MCPH1: variants seen among roughly 807,000 people sequenced by gnomAD.
MCPH1 encodes the protein microcephalin.
A neutral mutation model predicts 84.5 loss-of-function variants in MCPH1; 104 were observed. That is an observed-to-expected ratio of 1.23 (90% CI 1.05 to 1.45). MCPH1 has a LOEUF of 1.45. Among genes scored for constraint, MCPH1 ranks in the 40% most tolerant of loss-of-function variants. MCPH1 has a pLI of 0.00. For synonymous variants in MCPH1, 514 were observed against 366.8 expected (o/e 1.40, Z -4.58); for missense variants, 1,498 against 1,005.7 (o/e 1.49, Z -6.62).
At chr8:6,452,203 C>G (rs1805173715) in intron 8 of MCPH1, among the ~76,000 whole-genome samples, 1 of 152,154 alleles carries the variant, frequency 6.6e-6, no homozygotes, top group Non-Finnish European at 1.5e-5. Flanking sequence ...TCTCTTTTCC[C>G]TCAGTATCAA....
intron 12 of MCPH1, among the ~76,000 whole-genome samples, chr8:6,571,583 T>C (rs1216593594): frequency 6.6e-6 from 1 of 152,174 alleles, no homozygotes; most frequent in Non-Finnish European, 1.5e-5. Flanking sequence ...ATTTATAAAA[T>C]TTTTATCTTA....
chr8:6,600,755 T>C (rs1275278895), intron 12 of MCPH1, among the ~76,000 whole-genome samples: 1 of 152,240 alleles, frequency 6.6e-6, no homozygotes, highest in Non-Finnish European at 1.5e-5. Flanking sequence ...AATGTTTCAA[T>C]AGCTGAGCAA....
chr8:6,416,755 A>C (rs1206059628), intron 3 of MCPH1, among the ~76,000 whole-genome samples: 1 of 152,116 alleles, frequency 6.6e-6, no homozygotes, highest in African/African-American at 2.4e-5. Flanking sequence ...GCACTTTGGG[A>C]GGCCGAGGGG....
chr8:6,552,789 C>A (rs1044065130), intron 12 of MCPH1, among the ~76,000 whole-genome samples: 1 of 150,920 alleles, frequency 6.6e-6, no homozygotes, highest in African/African-American at 2.5e-5. Context: ...AGAGATCACT[C>A]AACAATTGTT....
At chr8:6,456,000 T>C (rs1436600716) in intron 9 of MCPH1, among the ~76,000 whole-genome samples, 1 of 152,154 alleles carries the variant, frequency 6.6e-6, no homozygotes, top group African/African-American at 2.4e-5. Flanking sequence ...CTTGAACAGA[T>C]GGGCGGCTGC....
At chr8:6,417,029 G>T (rs1410672365) in intron 3 of MCPH1, among the ~76,000 whole-genome samples, 1 of 151,626 alleles carries the variant, frequency 6.6e-6, no homozygotes, top group Non-Finnish European at 1.5e-5. Flanking sequence ...CTTTTGTCAA[G>T]ATTTTCTCAT....
intron 12 of MCPH1, among the ~76,000 whole-genome samples, chr8:6,598,101 A>G (rs972159193): frequency 2.6e-5 from 4 of 152,194 alleles, no homozygotes. Flanking sequence ...CAGGGTGAGG[A>G]TGCTCCTGGA....
intron 13 of MCPH1, among the ~76,000 whole-genome samples, chr8:6,623,256 G>T (rs139438984): frequency 6.6e-6 from 1 of 151,972 alleles, no homozygotes; most frequent in Non-Finnish European, 1.5e-5. Flanking sequence ...ATTTTGGGCA[G>T]ACACAATTCA....
At chr8:6,448,771 T>G (rs943698127) in intron 8 of MCPH1, among the ~76,000 whole-genome samples, 3 of 152,212 alleles carry the variant, frequency 2.0e-5, no homozygotes, top group African/African-American at 7.2e-5. Flanking sequence ...AAATCTTCAT[T>G]TTCTAATAGA....
chr8:6,544,504 A>G (rs1586528921), intron 12 of MCPH1, among the ~76,000 whole-genome samples: 3 of 152,204 alleles, frequency 2.0e-5, no homozygotes, highest in African/African-American at 7.2e-5. Flanking sequence ...GTTTTTTACA[A>G]AATACCAGCT....
At chr8:6,588,201 C>T (rs766080433) in intron 12 of MCPH1, among the ~76,000 whole-genome samples, 1 of 152,140 alleles carries the variant, frequency 6.6e-6, no homozygotes, top group South Asian at 2.1e-4. Context: ...GTCCCCTCCA[C>T]CTTCTCCTAG....
intron 8 of MCPH1, among the ~76,000 whole-genome samples, chr8:6,450,016 C>A (rs994872759): frequency 6.6e-6 from 1 of 151,142 alleles, no homozygotes; most frequent in Non-Finnish European, 1.5e-5. Context: ...TATCTATACC[C>A]CACTTGTCCA....
intron 12 of MCPH1, among the ~76,000 whole-genome samples, chr8:6,619,653 C>T (rs1831205295): frequency 6.6e-6 from 1 of 152,012 alleles, no homozygotes; most frequent in Admixed American, 6.5e-5. Context: ...GGCACAATCT[C>T]AGCTCACTGC....
chr8:6,432,498 C>G (rs1011645723), intron 4 of MCPH1, among the ~76,000 whole-genome samples: 1 of 152,284 alleles, frequency 6.6e-6, no homozygotes, highest in Admixed American at 6.5e-5. Flanking sequence ...CACATTTTAA[C>G]CACAACCTTT....
intron 12 of MCPH1, among the ~76,000 whole-genome samples, chr8:6,612,947 G>A (rs185584509): frequency 2.6e-5 from 4 of 152,376 alleles, no homozygotes; most frequent in African/African-American, 7.2e-5. Flanking sequence ...AGAAATAACA[G>A]CATTTGTGTT....
At chr8:6,640,097 T>C (rs2912000) in intron 13 of MCPH1, among the ~76,000 whole-genome samples, 8,402 of 131,298 alleles carry the variant, frequency 0.064, 254 homozygotes, top group Middle Eastern at 0.11. Flanking sequence ...TGTGTGTGTG[T>C]GCGCGCGCGT....
chr8:6,631,668 A>G lies in MCPH1; in HGVS notation c.2452+9977A>G, dbSNP rs910210584. 3.3e-5 allele frequency among the ~76,000 whole-genome samples: 5 copies of G among 151,666 alleles called. No homozygotes were observed. In the South Asian group the frequency reaches 1.0e-3, roughly 32 times the overall value. ...GATTGCTACTATAAAAAAAAAAAAA[A>G]CCCAGAAAATAACAAGTGTTAGTAA... On this transcript the variant is annotated intron_variant, in intron 13 of 13. Coordinates refer to ENST00000344683, the MANE Select transcript of MCPH1 (RefSeq NM_024596.5).
chr8:6,629,770 C>T (rs1413905256), intron 13 of MCPH1, among the ~76,000 whole-genome samples: 1 of 152,244 alleles, frequency 6.6e-6, no homozygotes, highest in Non-Finnish European at 1.5e-5. Context: ...TTTTAGACAG[C>T]AGGAAACTGA....
At chr8:6,585,481 A>G (rs2515530) in intron 12 of MCPH1, among the ~76,000 whole-genome samples, 149,799 of 152,370 alleles carry the variant, frequency 0.98, 73,673 homozygotes, top group Middle Eastern at 1. Context: ...AGCTGGAGCC[A>G]TTGTCGGCCG....
Sources: allele counts gnomAD v4.1 joint callset (sites outside exome capture counted in the v4.1 genomes callset), GRCh38; gene constraint gnomAD v4.1.1; transcripts MANE v1.5; gene names NCBI Gene and HGNC (gene_info 2026-07-23, HGNC 2026-07-21).